ABTB3: variants seen among roughly 807,000 people sequenced by gnomAD.
ABTB3 encodes the protein ankyrin repeat- and BTB/POZ domain-containing protein 3.
At chr12:107,411,498 A>C in the ABTB3 span, among the ~76,000 whole-genome samples, 1 of 152,250 alleles carries the variant, frequency 6.6e-6, no homozygotes, top group Non-Finnish European at 1.5e-5. Context: ...AAACATTGCC[A>C]GAATTAATGT....
chr12:107,325,645 G>A, the ABTB3 span, among the ~76,000 whole-genome samples: 2 of 152,166 alleles, frequency 1.3e-5, no homozygotes, highest in South Asian at 4.1e-4. Context: ...ACTTTGAATA[G>A]AAGGAAGGCC....
chr12:107,368,890 T>C, the ABTB3 span, among the ~76,000 whole-genome samples: 1 of 152,252 alleles, frequency 6.6e-6, no homozygotes, highest in African/African-American at 2.4e-5. Context: ...TGGTTTCCAC[T>C]TCTGTGACCT....
chr12:107,371,781 ATGGCAAAGATACT>A, the ABTB3 span, among the ~76,000 whole-genome samples: 1 of 152,116 alleles, frequency 6.6e-6, no homozygotes. Context: ...TTCAGCTTGG[ATGGCAAAGATACT>A]TGGTACTTCT....
chr12:107,651,185 T>C, the ABTB3 span, among the ~76,000 whole-genome samples: 203 of 152,162 alleles, frequency 1.3e-3, 1 homozygote, highest in African/African-American at 4.6e-3. Context: ...CCTCCTGGAC[T>C]CTATTGAGGG....
chr12:107,561,650 C>T, the ABTB3 span, among the ~76,000 whole-genome samples: 3 of 152,162 alleles, frequency 2.0e-5, no homozygotes, highest in Non-Finnish European at 4.4e-5. Flanking sequence ...CTCCATAAAA[C>T]TCAACACAGA....
chr12:107,362,621 A>G, the ABTB3 span, among the ~76,000 whole-genome samples: 1 of 152,164 alleles, frequency 6.6e-6, no homozygotes, highest in Admixed American at 6.5e-5. Context: ...AGTGAGACCC[A>G]GTCTTTAAAA....
At chr12:107,444,901 G>C in the ABTB3 span, among the ~76,000 whole-genome samples, 1 of 152,154 alleles carries the variant, frequency 6.6e-6, no homozygotes, top group East Asian at 1.9e-4. Context: ...GGAGGGTAGG[G>C]GGACCACAGA....
the ABTB3 span, among the ~76,000 whole-genome samples, chr12:107,648,380 CCACACACACACACACA>C: frequency 2.1e-4 from 30 of 140,100 alleles, no homozygotes; most frequent in African/African-American, 7.0e-4. Context: ...GACCCCATCT[CCACACACACACACACA>C]CACACACACA....
the ABTB3 span, among the ~76,000 whole-genome samples, chr12:107,429,136 T>G: frequency 6.6e-6 from 1 of 152,214 alleles, no homozygotes; most frequent in Non-Finnish European, 1.5e-5. Flanking sequence ...GCACAGAAAG[T>G]GCTGGGCTTC....
At chr12:107,458,851 G>A in the ABTB3 span, among the ~76,000 whole-genome samples, 1 of 152,134 alleles carries the variant, frequency 6.6e-6, no homozygotes, top group Admixed American at 6.5e-5. Flanking sequence ...TCTGGGGAAT[G>A]AGGCCCTTCT....
At chr12:107,508,434 A>ATTTTTTTTTTTTTTT in the ABTB3 span, among the ~76,000 whole-genome samples, 12 of 58,736 alleles carry the variant, frequency 2.0e-4, no homozygotes, top group Non-Finnish European at 2.6e-4. Flanking sequence ...CTCAAAGATC[A>ATTTTTTTTTTTTTTT]TTTCTTTTTT....
chr12:107,491,822 C>CAAA, the ABTB3 span, among the ~76,000 whole-genome samples: 10 of 61,784 alleles, frequency 1.6e-4, no homozygotes, highest in African/African-American at 3.1e-4. Context: ...GACTCTGTCT[C>CAAA]AAAAAAAAAA....
chr12:107,395,925 C>T, the ABTB3 span, among the ~76,000 whole-genome samples: 1 of 152,226 alleles, frequency 6.6e-6, no homozygotes, highest in Non-Finnish European at 1.5e-5. Context: ...GTGGTGAGCA[C>T]AGGAGGCTGG....
the ABTB3 span, among the ~76,000 whole-genome samples, chr12:107,376,556 A>C: frequency 6.6e-6 from 1 of 152,234 alleles, no homozygotes; most frequent in South Asian, 2.1e-4. Context: ...TCCACCTTCC[A>C]GCGGAACAGA....
chr12:107,412,665 G>C, the ABTB3 span, among the ~76,000 whole-genome samples: 1 of 152,128 alleles, frequency 6.6e-6, no homozygotes, highest in Non-Finnish European at 1.5e-5. Flanking sequence ...TGCCTGCCTA[G>C]TGTACCCTGC....
At chr12:107,392,589 T>C in the ABTB3 span, among the ~76,000 whole-genome samples, 1 of 152,206 alleles carries the variant, frequency 6.6e-6, no homozygotes, top group African/African-American at 2.4e-5. Flanking sequence ...TAGCCTTGAC[T>C]AATCTCTCAA....
At chr12:107,346,859 CA>C in the ABTB3 span, among the ~76,000 whole-genome samples, 17 of 152,178 alleles carry the variant, frequency 1.1e-4, no homozygotes, top group African/African-American at 3.9e-4. Flanking sequence ...GGGTAAATAG[CA>C]GAGGCCAAAG....
the ABTB3 span, among the ~76,000 whole-genome samples, chr12:107,468,177 G>A: frequency 6.6e-6 from 1 of 152,134 alleles, no homozygotes; most frequent in Non-Finnish European, 1.5e-5. Flanking sequence ...TGGGCAGCAG[G>A]GAATTGGTGT....
the ABTB3 span, among the ~76,000 whole-genome samples, chr12:107,492,251 C>T: frequency 8.5e-5 from 13 of 152,080 alleles, no homozygotes; most frequent in South Asian, 2.1e-4. Flanking sequence ...TGTCAGGCTT[C>T]GTGTTCACCT....
Sources: gnomAD v4.1 joint callset for allele counts (sites outside exome capture counted in the v4.1 genomes callset) on GRCh38, gnomAD v4.1.1 for gene constraint, MANE v1.5 for transcripts, NCBI Gene and HGNC (gene_info 2026-07-23, HGNC 2026-07-21) for gene names.